ASH1L: variants seen among roughly 807,000 people sequenced by gnomAD.
ASH1L encodes histone-lysine N-methyltransferase ASH1L.
In ASH1L, 23 loss-of-function variants were observed where a neutral mutation model predicts 269.0. The observed-to-expected ratio is 0.09, with a 90% CI of 0.06 to 0.12. The LOEUF (loss-of-function observed/expected upper bound fraction) is 0.12, where lower values mean the gene tolerates loss of function less well. Among genes scored for constraint, ASH1L ranks in the 10% least tolerant of loss-of-function variants. The pLI, the probability that ASH1L is intolerant of heterozygous loss-of-function variation, is 1.00. For missense variants in ASH1L, 2,912 were observed against 3,567.8 expected, an observed-to-expected ratio of 0.82 and a Z score of 4.68; for synonymous variants, 1,187 against 1,253.5, an observed-to-expected ratio of 0.95 and a Z score of 1.12.
At chr1:155,411,394 A>C (rs1571138976) in intron 6 of ASH1L, among the ~76,000 whole-genome samples, 1 of 151,280 alleles carries the variant, frequency 6.6e-6, no homozygotes, top group Admixed American at 6.6e-5. Context: ...TTTCAGGTCA[A>C]ATCTTTTGTA....
chr1:155,557,704 T>C (rs1409061189), intron 1 of ASH1L, among the ~76,000 whole-genome samples: 1 of 152,094 alleles, frequency 6.6e-6, no homozygotes, highest in Non-Finnish European at 1.5e-5. Flanking sequence ...TTAACTATGA[T>C]GACAAGCAAT....
In ASH1L at chr1:155,343,160, C is replaced by A; in HGVS notation, c.8293+154G>T. 1.4e-6 allele frequency: 1 copy of A among 721,922 alleles called. No homozygotes were observed. 44.7% of individuals were successfully genotyped at this position (721,922 alleles called of 1,614,324 possible). ...TACAGGCCTACACTGCCATGCCCAG[C>A]TACAGAGGCAGAGTTTTGCCACGTT... is the stretch of plus-strand genomic sequence containing the variant. On this transcript the variant is annotated intron_variant, in intron 24 of 27. Coordinates refer to ENST00000392403, the MANE Select transcript of ASH1L (RefSeq NM_018489.3). The surrounding 1 kb of genome is among the most constrained non-coding windows in gnomAD (Gnocchi z 6.1).
chr1:155,427,028 T>C (rs965462091), intron 5 of ASH1L, among the ~76,000 whole-genome samples: 1 of 152,160 alleles, frequency 6.6e-6, no homozygotes, highest in Non-Finnish European at 1.5e-5. Flanking sequence ...CTTTTATCTA[T>C]TCAATTCCAC....
Position 155,337,413 on chromosome 1 carries a change from A to C in ASH1L, c.*247T>G. The C allele has an allele frequency of 2.8e-6, 1 of 357,648 alleles. No homozygotes were observed. The highest frequency in any genetic ancestry group is 3.3e-5 in the South Asian group (1 of 29,852). 22.2% of individuals were successfully genotyped at this position (357,648 alleles called of 1,614,324 possible). ...ATCAATGTGGTCCTCCCTCCTCTCTACATTATTAACCCTTAAGGTGAAGCA... is the reference window on the plus strand; with the variant it reads ...ATCAATGTGGTCCTCCCTCCTCTCTCCATTATTAACCCTTAAGGTGAAGCA... On this transcript the variant is annotated 3_prime_UTR_variant, in exon 28 of 28. Coordinates refer to ENST00000392403, the MANE Select transcript of ASH1L (RefSeq NM_018489.3).
chr1:155,339,351 G>A lies in ASH1L; in HGVS notation c.8478C>T (p.Asp2826=). 3 of 1,613,698 alleles carry A rather than the reference G, an allele frequency of 1.9e-6. No homozygotes were observed. The highest frequency in any genetic ancestry group is 2.5e-6 in the Non-Finnish European group (3 of 1,179,662). Residue 2826 remains aspartate (D), a synonymous_variant, in exon 26 of 28, where the codon GAC becomes GAT. Transcript: ENST00000392403. ...ACCGTCCTCCATTCCTCTTGTAGTT[G>A]TCTGGGACGTAATGAGGCTGCAGAG... ...KKDFSPHYVP[D]NYKRNGGRSS...
intron 1 of ASH1L, among the ~76,000 whole-genome samples, chr1:155,546,330 C>CA (rs1172676697): frequency 0.015 from 1,662 of 113,410 alleles, 22 homozygotes; most frequent in African/African-American, 0.045. Context: ...GACTCTGACT[C>CA]AAAAAAAAAA....
At position 155,480,564 on chromosome 1, in the gene ASH1L, A is replaced by T. The variant is rs200517731; in HGVS notation, c.2306T>A (p.Phe769Tyr). 6.2e-7 allele frequency: 1 copy of T among 1,614,102 alleles called. No individual in the cohort carries two copies. Among genetic ancestry groups the T allele is most frequent in the East Asian group, 2.2e-5 (1 of 44,882 alleles). Residue 769 changes from phenylalanine to tyrosine, a missense_variant, in exon 3 of 28, where the codon TTT becomes TAT. By Grantham distance (22) the Phe-to-Tyr change is conservative. Coordinates refer to ENST00000392403, the MANE Select transcript of ASH1L (RefSeq NM_018489.3). ...KFMKNIGPPS[F>Y]VDHDFLKRRL... The stretch of plus-strand genomic sequence containing the variant: ...GCGTTTAAGGAAGTCATGATCTACA[A>T]ATGAAGGGGGTCCAATGTTTTTCAT...
chr1:155,400,799 A>C (rs1323221733), intron 6 of ASH1L, among the ~76,000 whole-genome samples: 1 of 152,212 alleles, frequency 6.6e-6, no homozygotes, highest in Non-Finnish European at 1.5e-5. Context: ...GATAAACATA[A>C]ATTTACATAC....
chr1:155,412,094 T>A (rs764921724), intron 6 of ASH1L, among the ~76,000 whole-genome samples: 1 of 151,784 alleles, frequency 6.6e-6, no homozygotes, highest in Non-Finnish European at 1.5e-5. Context: ...TACAAAAAAT[T>A]GGCTGGGCAT....
At chr1:155,369,022 T>C (rs1350644560) in intron 12 of ASH1L, among the ~76,000 whole-genome samples, 1 of 152,138 alleles carries the variant, frequency 6.6e-6, no homozygotes, top group Non-Finnish European at 1.5e-5. Flanking sequence ...AGTGCTTGCT[T>C]TGGGGGATTG....
chr1:155,337,594 G>C lies in ASH1L; in HGVS notation c.*66C>G, dbSNP rs1344366211. 2 of 1,362,560 alleles carry C rather than the reference G, an allele frequency of 1.5e-6. No individual in the cohort carries two copies. Among genetic ancestry groups the C allele is most frequent in the African/African-American group, 1.4e-5 (1 of 69,946 alleles). The allele number at this position is 1,362,560 out of a possible 1,614,324, so 84.4% of individuals were successfully genotyped here. On this transcript the variant is annotated 3_prime_UTR_variant, in exon 28 of 28. Transcript: ENST00000392403. ...CTTCCCACCCCTGTCTATACCCAGA[G>C]AGCAGGAGGCAGGACTGATTAGCTC...
chr1:155,410,720 C>T (rs1475595481), intron 6 of ASH1L, among the ~76,000 whole-genome samples: 4 of 151,080 alleles, frequency 2.6e-5, no homozygotes, highest in Non-Finnish European at 5.9e-5. Flanking sequence ...GAATGTATAT[C>T]ACCAAGAATG....
At chr1:155,496,084 T>G (rs992149688) in intron 2 of ASH1L, among the ~76,000 whole-genome samples, 1 of 152,244 alleles carries the variant, frequency 6.6e-6, no homozygotes, top group Non-Finnish European at 1.5e-5. Context: ...TTTTACTTTC[T>G]GACTCTTTTG....
At chr1:155,513,726 C>T (rs1435028365) in intron 2 of ASH1L, among the ~76,000 whole-genome samples, 1 of 152,056 alleles carries the variant, frequency 6.6e-6, no homozygotes. Flanking sequence ...TATTTCTACA[C>T]ACATGTTCAG....
chr1:155,507,099 A>T (rs1440099429), intron 2 of ASH1L, among the ~76,000 whole-genome samples: 1 of 152,098 alleles, frequency 6.6e-6, no homozygotes, highest in East Asian at 1.9e-4. Flanking sequence ...CCTGACCAAC[A>T]TGGAGAAACC....
intron 2 of ASH1L, among the ~76,000 whole-genome samples, chr1:155,492,544 A>AC (rs1389165823): frequency 1.3e-5 from 2 of 152,120 alleles, no homozygotes; most frequent in Non-Finnish European, 2.9e-5. Flanking sequence ...TGTTCTAAGA[A>AC]CATTACTCAT....
chr1:155,480,601 G>A lies in ASH1L; in HGVS notation c.2269C>T (p.Pro757Ser). The A allele has an allele frequency of 1.2e-6, 2 of 1,614,114 alleles. No homozygotes were observed. Among genetic ancestry groups the A allele is most frequent in the Non-Finnish European group, 1.7e-6 (2 of 1,179,998 alleles). ...CCAATGTTTTTCATAAACTTGGCTGGCTCAGAATTACTATTTGATAGTGAG... is the reference window on the plus strand; with the variant it reads ...CCAATGTTTTTCATAAACTTGGCTGACTCAGAATTACTATTTGATAGTGAG... Reference protein sequence around the residue: ...CSSLSNSNSEPAKFMKNIGPP... With the variant: ...CSSLSNSNSESAKFMKNIGPP... Residue 757 changes from proline (P) to serine (S), a missense_variant, in exon 3 of 28, where the codon CCA (proline) becomes TCA (serine). By Grantham distance (74) the Pro-to-Ser change is moderately conservative. Around this residue, in one of 13 missense-constraint regions of ASH1L, gnomAD observed 715 missense variants for 721.0 expected, o/e 0.99. Coordinates refer to ENST00000392403, the MANE Select transcript of ASH1L (RefSeq NM_018489.3).
At chr1:155,381,078 T>C (rs1656898462) in intron 7 of ASH1L, among the ~76,000 whole-genome samples, 1 of 152,090 alleles carries the variant, frequency 6.6e-6, no homozygotes, top group African/African-American at 2.4e-5. Flanking sequence ...CAGTGCAAAG[T>C]GTTAATCATG....
At chr1:155,368,388 T>C (rs1460231353) in intron 12 of ASH1L, among the ~76,000 whole-genome samples, 1 of 152,158 alleles carries the variant, frequency 6.6e-6, no homozygotes, top group African/African-American at 2.4e-5. Flanking sequence ...ATTTTCAATT[T>C]TGGGGGTACA....
Sources: allele counts gnomAD v4.1 joint callset (sites outside exome capture counted in the v4.1 genomes callset), GRCh38; gene constraint gnomAD v4.1.1; regional missense constraint gnomAD v4.1.1; non-coding constraint Gnocchi (gnomAD v3.1); transcripts MANE v1.5; gene names NCBI Gene and HGNC (gene_info 2026-07-23, HGNC 2026-07-21).